Variants in LAMB4 observed in about 807,000 individuals in gnomAD.
The protein encoded by LAMB4 is laminin subunit beta 4, also known as laminin subunit beta-4.
In LAMB4, 196 loss-of-function variants were observed where a neutral mutation model predicts 199.2. That is an observed-to-expected ratio of 0.98 (90% CI 0.88 to 1.11). LAMB4 has a LOEUF of 1.11. Ranked by LOEUF, LAMB4 falls within the 50% of genes least tolerant of loss-of-function variation. LAMB4 has a pLI of 0.00. For missense variants in LAMB4, 2,080 were observed against 2,171.2 expected (o/e 0.96, Z 0.83); for synonymous variants, 744 against 770.6 (o/e 0.97, Z 0.57).
At chr7:108,061,553 A>T (rs1028600376) in intron 23 of LAMB4, among the ~76,000 whole-genome samples, 1 of 152,058 alleles carries the variant, frequency 6.6e-6, no homozygotes, top group Non-Finnish European at 1.5e-5. Flanking sequence ...AGCCTGGCCA[A>T]CATGGTGAAA....
In LAMB4 at chr7:108,078,388, G is replaced by C. The variant is rs1238718069; in HGVS notation, c.1888-72C>G. On this transcript the variant is annotated intron_variant, in intron 15 of 33. Transcript: ENST00000388781. ...AATGTTTTGCACGTACACACATATA[G>C]CTAATGGAAAGTGCATGGACTTGAA... is the stretch of plus-strand genomic sequence containing the variant. 7.4e-6 allele frequency: 7 copies of C among 943,846 alleles called. No individual in the cohort carries two copies. In the Admixed American group the frequency reaches 1.1e-4, roughly 14 times the overall value. The allele number at this position is 943,846 out of a possible 1,614,324, so 58.5% of individuals were successfully genotyped here. A position where few individuals can be genotyped will look rare whatever the true frequency, so the allele number is the denominator to read the frequency against.
chr7:108,011,710 CA>C, the LAMB4 span, among the ~76,000 whole-genome samples: 43,839 of 151,798 alleles, frequency 0.29, 6,878 homozygotes, highest in African/African-American at 0.43. Context: ...TGAGCCACTG[CA>C]CTCGGCCCAC....
At chr7:108,090,094 G>A (rs1364746817) in intron 14 of LAMB4, among the ~76,000 whole-genome samples, 1 of 152,130 alleles carries the variant, frequency 6.6e-6, no homozygotes, top group Non-Finnish European at 1.5e-5. Context: ...CTGGGAATTA[G>A]GGATAATAGA....
chr7:108,043,544 TG>T (rs2035496309), intron 29 of LAMB4, among the ~76,000 whole-genome samples: 6 of 82,590 alleles, frequency 7.3e-5, no homozygotes, highest in South Asian at 3.8e-4. Flanking sequence ...CTGGCTATGA[TG>T]TTTTTTTTTT....
intron 17 of LAMB4, among the ~76,000 whole-genome samples, chr7:108,076,589 C>T (rs571697226): frequency 6.6e-6 from 1 of 152,202 alleles, no homozygotes; most frequent in South Asian, 2.1e-4. Flanking sequence ...AGTGTGCTGT[C>T]GTGGCTCAGG....
chr7:108,028,185 A>G (rs943890924), intron 33 of LAMB4, among the ~76,000 whole-genome samples: 4 of 152,214 alleles, frequency 2.6e-5, no homozygotes, highest in Non-Finnish European at 4.4e-5. Flanking sequence ...CCAAAGATAT[A>G]TGCTAGATGA....
chr7:108,049,330 T>C lies in LAMB4; in HGVS notation c.4118A>G (p.Glu1373Gly), dbSNP rs1255647610. 6.6e-7 allele frequency: 1 copy of C among 1,521,962 alleles called. No individual in the cohort carries two copies. Among genetic ancestry groups the C allele is most frequent in the Non-Finnish European group, 9.1e-7 (1 of 1,101,126 alleles). The allele number at this position is 1,521,962 out of a possible 1,614,324, so 94.3% of individuals were successfully genotyped here. ...IKIPDIQILN[E>G]KVCGDPGNVP... ...CTTACCATCATGAATATTTACCTTT[T>C]CATTCAATATTTGGATATCTGGTAT... Residue 1373 changes from glutamate (E) to glycine (G), a missense_variant, in exon 27 of 34, where the codon GAA becomes GGA. Physicochemically the swap from Glu to Gly is moderately conservative, Grantham distance 98. Coordinates refer to ENST00000388781, the MANE Select transcript of LAMB4 (RefSeq NM_007356.3).
intron 14 of LAMB4, 70 bp from the exon 15 acceptor site, chr7:108,079,856 C>A (rs551735943): frequency 6.0e-5 from 68 of 1,134,488 alleles, no homozygotes; most frequent in Non-Finnish European, 7.9e-5. Context: ...GAAAACCAGT[C>A]CCCCACTGCA....
Position 108,043,891 on chromosome 7 carries a change from T to G in LAMB4, c.4332A>C (p.Glu1444Asp). 4 of 1,598,526 alleles carry G rather than the reference T, an allele frequency of 2.5e-6. No individual in the cohort carries two copies. The South Asian group carries it at 4.6e-5, about 18-fold the overall frequency. Reference protein sequence around the residue: ...KQVRGLKNQIESISEQAEVSK... With the variant: ...KQVRGLKNQIDSISEQAEVSK... ...AGACTTCTGCCTGTTCACTTATACT[T>G]TCGATCTGGAATGAGAAAAACACAA... is the stretch of plus-strand genomic sequence containing the variant. Residue 1444 changes from glutamate (E) to aspartate (D), a missense_variant, in exon 29 of 34, where the codon GAA (glutamate) becomes GAC (aspartate). Coordinates refer to ENST00000388781, the MANE Select transcript of LAMB4 (RefSeq NM_007356.3).
In LAMB4 at chr7:108,068,054, G is replaced by T. The variant is rs2036403292; in HGVS notation, c.2408C>A (p.Ser803Ter). ...ATGCCCCAAATCATAGCTTCCAGTT[G>T]AGCACCTGTCACAGCAGCGCCCGAC... The part of the protein sequence containing the change: ...LVVGRCCDRC[S>*]TGSYDLGHHG... The change falls in exon 19 of 34, where the codon TCA (serine) becomes TAA (stop). Residue 803 changes from serine (S) to a stop codon, truncating the protein, a stop_gained. Transcript: ENST00000388781. LOFTEE classifies it high-confidence loss of function. The T allele has an allele frequency of 6.2e-7, 1 of 1,614,108 alleles. No homozygotes were observed. The highest frequency in any genetic ancestry group is 1.1e-5 in the South Asian group (1 of 91,072).
At chr7:108,025,834 A>G (rs1289795074) in intron 33 of LAMB4, among the ~76,000 whole-genome samples, 1 of 152,182 alleles carries the variant, frequency 6.6e-6, no homozygotes, top group African/African-American at 2.4e-5. Flanking sequence ...CGGAAAGTTA[A>G]TATGATTGAG....
intron 17 of LAMB4, among the ~76,000 whole-genome samples, chr7:108,071,238 T>G (rs1302847718): frequency 1.3e-5 from 2 of 152,222 alleles, no homozygotes; most frequent in East Asian, 3.9e-4. Flanking sequence ...AAAAATCATT[T>G]CCTTGTCATC....
chr7:108,041,186 C>G (rs188552281), intron 29 of LAMB4, among the ~76,000 whole-genome samples: 58 of 152,150 alleles, frequency 3.8e-4, no homozygotes, highest in African/African-American at 1.3e-3. Flanking sequence ...CAAATCAAAA[C>G]CACAATGAGG....
intron 33 of LAMB4, among the ~76,000 whole-genome samples, chr7:108,025,289 A>C (rs1459940409): frequency 7.2e-5 from 11 of 152,154 alleles, no homozygotes; most frequent in African/African-American, 2.4e-4. Context: ...CTAAATATAA[A>C]AAACTCTCTA....
At chr7:108,102,533 A>G (rs2037850389) in intron 10 of LAMB4, among the ~76,000 whole-genome samples, 1 of 152,250 alleles carries the variant, frequency 6.6e-6, no homozygotes, top group South Asian at 2.1e-4. Flanking sequence ...GTGACAGGCT[A>G]AGACTGTTCT....
chr7:108,082,601 T>C (rs1188769597), intron 14 of LAMB4, among the ~76,000 whole-genome samples: 1 of 152,154 alleles, frequency 6.6e-6, no homozygotes, highest in Non-Finnish European at 1.5e-5. Context: ...TGTCACTGGA[T>C]TTACAGAACC....
intron 1 of LAMB4, among the ~76,000 whole-genome samples, chr7:108,126,438 A>G (rs2038780902): frequency 6.6e-6 from 1 of 151,950 alleles, no homozygotes; most frequent in Non-Finnish European, 1.5e-5. Context: ...TGACTACTCT[A>G]AGTATCTAAC....
chr7:108,033,581 G>C (rs2035116005), intron 31 of LAMB4, among the ~76,000 whole-genome samples: 1 of 151,936 alleles, frequency 6.6e-6, no homozygotes, highest in African/African-American at 2.4e-5. Flanking sequence ...GCTAATTTTT[G>C]TATTTTTCAT....
chr7:108,019,704 A>T (rs983409991), downstream of LAMB4, among the ~76,000 whole-genome samples: 1 of 152,092 alleles, frequency 6.6e-6, no homozygotes, highest in African/African-American at 2.4e-5. Flanking sequence ...GCCTGGTTAA[A>T]ATGTGGAGAA....
Sources: gnomAD v4.1 joint callset for allele counts (sites outside exome capture counted in the v4.1 genomes callset) on GRCh38, gnomAD v4.1.1 for gene constraint, MANE v1.5 for transcripts, NCBI Gene and HGNC (gene_info 2026-07-23, HGNC 2026-07-21) for gene names.